Variants in PLGRKT observed in about 807,000 individuals in gnomAD.
PLGRKT encodes the protein plasminogen receptor with a C-terminal lysine.
PLGRKT carries 22 observed loss-of-function variants against 18.5 expected under a neutral mutation model. The ratio of observed to expected loss-of-function variants is 1.19; its 90% CI spans 0.85 to 1.70. The LOEUF is 1.70. PLGRKT is among the 40% of genes most tolerant of loss of function. The pLI is 0.00. For synonymous variants in PLGRKT, 72 were observed against 52.8 expected, an observed-to-expected ratio of 1.36 and a Z score of -1.58; for missense variants, 235 against 174.4, an observed-to-expected ratio of 1.35 and a Z score of -1.96.
intron 3 of PLGRKT, among the ~76,000 whole-genome samples, chr9:5,394,935 G>A (rs1354907423): frequency 6.6e-6 from 1 of 151,812 alleles, no homozygotes; most frequent in African/African-American, 2.4e-5. Context: ...TGAGGGTGAG[G>A]GAAGTGGGCA....
intron 3 of PLGRKT, among the ~76,000 whole-genome samples, chr9:5,415,926 C>T (rs1388520381): frequency 1.4e-5 from 2 of 143,494 alleles, no homozygotes; most frequent in African/African-American, 5.2e-5. Context: ...AGAAAAGGGA[C>T]TTTAGGAAAA....
At chr9:5,410,957 A>T (rs568397976) in intron 3 of PLGRKT, among the ~76,000 whole-genome samples, 1 of 152,374 alleles carries the variant, frequency 6.6e-6, no homozygotes, top group South Asian at 2.1e-4. Flanking sequence ...TTATATGGCT[A>T]AACAAAATGG....
intron 3 of PLGRKT, among the ~76,000 whole-genome samples, chr9:5,389,457 C>T (rs945184005): frequency 6.6e-6 from 1 of 151,858 alleles, no homozygotes; most frequent in African/African-American, 2.4e-5. Flanking sequence ...GGTCAGCCCC[C>T]ACCTGTCAGG....
chr9:5,401,759 A>C (rs1004812897), intron 3 of PLGRKT, among the ~76,000 whole-genome samples: 1 of 151,944 alleles, frequency 6.6e-6, no homozygotes, highest in Non-Finnish European at 1.5e-5. Context: ...TGTAGTTCTA[A>C]AATTTCTTTA....
intron 3 of PLGRKT, among the ~76,000 whole-genome samples, chr9:5,390,253 A>ATC (rs1817924082): frequency 6.6e-6 from 1 of 151,246 alleles, no homozygotes; most frequent in Admixed American, 6.6e-5. Flanking sequence ...ATATATATAT[A>ATC]TATATTTGCC....
chr9:5,411,909 C>T (rs1236543161), intron 3 of PLGRKT, among the ~76,000 whole-genome samples: 2 of 152,220 alleles, frequency 1.3e-5, no homozygotes, highest in South Asian at 4.1e-4. Context: ...TTAATACAAT[C>T]CCAATGAAAA....
At chr9:5,409,217 T>A (rs1293404663) in intron 3 of PLGRKT, among the ~76,000 whole-genome samples, 1 of 152,158 alleles carries the variant, frequency 6.6e-6, no homozygotes, top group East Asian at 1.9e-4. Context: ...TAATCCTGGG[T>A]ATATCTGTGA....
chr9:5,428,506 C>G (rs1212408953), intron 3 of PLGRKT, among the ~76,000 whole-genome samples: 2 of 152,178 alleles, frequency 1.3e-5, no homozygotes, highest in East Asian at 3.9e-4. Context: ...AATGATGGCT[C>G]TGAGTGGCCA....
intron 3 of PLGRKT, among the ~76,000 whole-genome samples, chr9:5,380,952 C>T (rs1817731976): frequency 6.6e-6 from 1 of 152,174 alleles, no homozygotes; most frequent in Non-Finnish European, 1.5e-5. Flanking sequence ...AGCGAGTTCT[C>T]AGAAGACCTG....
chr9:5,432,185 T>C (rs1407572649), intron 2 of PLGRKT, among the ~76,000 whole-genome samples: 2 of 152,244 alleles, frequency 1.3e-5, no homozygotes, highest in East Asian at 1.9e-4. Context: ...GCCATCATTT[T>C]ACTCACCTAA....
At chr9:5,391,543 G>A (rs1396722841) in intron 3 of PLGRKT, among the ~76,000 whole-genome samples, 2 of 151,974 alleles carry the variant, frequency 1.3e-5, no homozygotes, top group African/African-American at 4.9e-5. Context: ...GTCAGAAGCA[G>A]TGATAAACTG....
At chr9:5,394,444 G>A (rs749880700) in intron 3 of PLGRKT, among the ~76,000 whole-genome samples, 31 of 151,838 alleles carry the variant, frequency 2.0e-4, no homozygotes, top group Non-Finnish European at 4.1e-4. Context: ...AAGGAGTCTC[G>A]CTGTGTTGCC....
At chr9:5,431,564 T>C (rs1469634107) in intron 3 of PLGRKT, among the ~76,000 whole-genome samples, 2 of 150,462 alleles carry the variant, frequency 1.3e-5, no homozygotes, top group African/African-American at 2.4e-5. Context: ...AGACAGACCC[T>C]TGTGATGACA....
At chr9:5,380,060 A>C (rs1016784417) in intron 3 of PLGRKT, among the ~76,000 whole-genome samples, 7 of 152,378 alleles carry the variant, frequency 4.6e-5, no homozygotes, top group Non-Finnish European at 1.0e-4. Flanking sequence ...GCTGTGGATG[A>C]ACAATTTAAA....
intron 3 of PLGRKT, among the ~76,000 whole-genome samples, chr9:5,411,140 T>C (rs1018813480): frequency 6.6e-6 from 1 of 151,716 alleles, no homozygotes; most frequent in South Asian, 2.1e-4. Flanking sequence ...TCCCAACACT[T>C]TGGGAGGCCG....
chr9:5,427,985 G>A (rs78840857), intron 3 of PLGRKT, among the ~76,000 whole-genome samples: 38 of 152,272 alleles, frequency 2.5e-4, no homozygotes, highest in Non-Finnish European at 4.9e-4. Flanking sequence ...TCCTAATGGT[G>A]CTTTGGCTGT....
intron 3 of PLGRKT, among the ~76,000 whole-genome samples, chr9:5,398,870 C>A (rs567634334): frequency 2.0e-5 from 3 of 151,766 alleles, no homozygotes; most frequent in Non-Finnish European, 2.9e-5. Context: ...CTAAAAGAAA[C>A]TGAGAACCAG....
intron 2 of PLGRKT, among the ~76,000 whole-genome samples, chr9:5,433,904 C>T (rs1789879457): frequency 6.8e-6 from 1 of 147,672 alleles, no homozygotes; most frequent in African/African-American, 2.5e-5. Flanking sequence ...AGCGCCTCTG[C>T]CCGGCTGCCC....
chr9:5,420,288 C>T (rs542748283), intron 3 of PLGRKT, among the ~76,000 whole-genome samples: 12 of 152,244 alleles, frequency 7.9e-5, no homozygotes, highest in Admixed American at 3.9e-4. Context: ...ACAGGGTTTC[C>T]TTTTGGAGTG....
Sources: allele counts gnomAD v4.1 joint callset (sites outside exome capture counted in the v4.1 genomes callset), GRCh38; gene constraint gnomAD v4.1.1; transcripts MANE v1.5; gene names NCBI Gene and HGNC (gene_info 2026-07-23, HGNC 2026-07-21).